Variants in DLEU7 observed in about 807,000 individuals in gnomAD.
DLEU7 encodes deleted in lymphocytic leukemia 7.
In DLEU7, 17 loss-of-function variants were observed where a neutral mutation model predicts 16.0. The observed-to-expected ratio is 1.06, with a 90% CI of 0.73 to 1.59. The LOEUF (loss-of-function observed/expected upper bound fraction) is 1.59. Ranked by LOEUF, DLEU7 falls within the 40% of genes most tolerant of loss-of-function variation. DLEU7 has a pLI of 0.00. For missense variants in DLEU7, 308 were observed against 314.9 expected, an observed-to-expected ratio of 0.98 and a Z score of 0.17; for synonymous variants, 113 against 139.8, an observed-to-expected ratio of 0.81 and a Z score of 1.35.
intron 1 of DLEU7, among the ~76,000 whole-genome samples, chr13:50,745,621 G>A (rs1196465231): frequency 1.3e-5 from 2 of 152,108 alleles, no homozygotes; most frequent in Non-Finnish European, 2.9e-5. Context: ...ATCCTTGTTA[G>A]AGGGATTATC....
At chr13:50,791,981 T>G (rs1875971890) in intron 1 of DLEU7, among the ~76,000 whole-genome samples, 1 of 152,220 alleles carries the variant, frequency 6.6e-6, no homozygotes, top group Non-Finnish European at 1.5e-5. Context: ...TCACAACTTC[T>G]TGTTGGCAAT....
At chr13:50,839,488 T>C (rs560067265) in intron 1 of DLEU7, among the ~76,000 whole-genome samples, 2 of 152,312 alleles carry the variant, frequency 1.3e-5, no homozygotes, top group East Asian at 3.9e-4. Flanking sequence ...CTGTTATCAT[T>C]GTGGTGAGAA....
At chr13:50,767,805 T>G (rs1482940090) in intron 1 of DLEU7, among the ~76,000 whole-genome samples, 1 of 152,184 alleles carries the variant, frequency 6.6e-6, no homozygotes, top group Non-Finnish European at 1.5e-5. Context: ...CCCTTAGCCC[T>G]GGCTTGAATA....
intron 1 of DLEU7, among the ~76,000 whole-genome samples, chr13:50,838,317 T>A (rs1877537816): frequency 1.3e-5 from 2 of 152,272 alleles, no homozygotes; most frequent in Admixed American, 1.3e-4. Flanking sequence ...AACGTTCTTC[T>A]GCCTCTGAAA....
At chr13:50,838,024 G>T (rs570183559) in intron 1 of DLEU7, among the ~76,000 whole-genome samples, 33 of 152,202 alleles carry the variant, frequency 2.2e-4, no homozygotes, top group African/African-American at 7.9e-4. Context: ...AGAGAAAATT[G>T]ATAGAAACAG....
intron 1 of DLEU7, among the ~76,000 whole-genome samples, chr13:50,734,268 G>A (rs775486301): frequency 2.0e-4 from 31 of 152,116 alleles, no homozygotes; most frequent in South Asian, 2.1e-4. Flanking sequence ...AAGAAAAAAC[G>A]TATGTTTTAA....
chr13:50,827,041 T>C (rs1325964080), intron 1 of DLEU7, among the ~76,000 whole-genome samples: 1 of 152,188 alleles, frequency 6.6e-6, no homozygotes, highest in Non-Finnish European at 1.5e-5. Context: ...TGAAAATGGC[T>C]GAGATTCAGG....
At chr13:50,810,010 A>G (rs1199207512) in intron 1 of DLEU7, among the ~76,000 whole-genome samples, 1 of 145,852 alleles carries the variant, frequency 6.9e-6, no homozygotes, top group Admixed American at 7.0e-5. Flanking sequence ...CTTTCTCATG[A>G]TGCTTGGGGT....
downstream of DLEU7, among the ~76,000 whole-genome samples, chr13:50,820,672 C>A (rs924643525): frequency 1.3e-5 from 2 of 152,068 alleles, no homozygotes; most frequent in African/African-American, 2.4e-5. Context: ...TGTGGAAGAG[C>A]CTTCAGAGAG....
chr13:50,838,420 A>G (rs1251163300), intron 1 of DLEU7, among the ~76,000 whole-genome samples: 1 of 152,238 alleles, frequency 6.6e-6, no homozygotes, highest in East Asian at 1.9e-4. Flanking sequence ...AGATAGACAA[A>G]ACTCAATCAG....
chr13:50,808,985 G>A lies in DLEU7; in HGVS notation c.459+34203C>T, dbSNP rs77899407. ...ACATTTAAAATAAGAAGGTACTTAA[G>A]CAAAATCATTGCGTTGAGGACATTT... On this transcript the variant is annotated intron_variant, in intron 1 of 1. Transcript: ENST00000400393. Among the ~76,000 whole-genome samples the A allele has an allele frequency of 4.5e-3, 678 of 152,106 alleles. 5 individuals carry two copies. Among genetic ancestry groups the A allele is most frequent in the African/African-American group, 0.015 (629 of 41,516 alleles).
At chr13:50,753,940 A>G (rs1420652824) in intron 1 of DLEU7, among the ~76,000 whole-genome samples, 1 of 152,232 alleles carries the variant, frequency 6.6e-6, no homozygotes, top group Non-Finnish European at 1.5e-5. Context: ...CCAAGTGCTC[A>G]TTCAGGAGCA....
chr13:50,786,894 C>T (rs1180239393), intron 1 of DLEU7, among the ~76,000 whole-genome samples: 6 of 152,042 alleles, frequency 3.9e-5, no homozygotes, highest in African/African-American at 1.2e-4. Flanking sequence ...CTGAGGTTCT[C>T]GGTTTCCCTG....
Position 50,823,631 on chromosome 13 carries a change from T to G in DLEU7, c.460-111A>C, listed in dbSNP as rs369893150. 638 of 944,584 alleles carry G rather than the reference T, an allele frequency of 6.8e-4. 4 individuals carry two copies. In the African/African-American group the frequency reaches 9.5e-3, roughly 14 times the overall value. The allele number at this position is 944,584 out of a possible 1,614,324, so 58.5% of individuals were successfully genotyped here. ...TTCTCTTCTGGTGACAGCACTCTGG[T>G]TTTTTTTTTTCTTGGAAAACTACAC... On this transcript the variant is annotated intron_variant, in intron 1 of 1. Transcript: ENST00000504404.
At chr13:50,793,668 C>T (rs1566253388) in intron 1 of DLEU7, among the ~76,000 whole-genome samples, 2 of 152,304 alleles carry the variant, frequency 1.3e-5, no homozygotes, top group South Asian at 2.1e-4. Flanking sequence ...AGTGTCTGTT[C>T]ATGTGCTTTG....
At chr13:50,754,204 G>A (rs1478872636) in intron 1 of DLEU7, among the ~76,000 whole-genome samples, 1 of 152,184 alleles carries the variant, frequency 6.6e-6, no homozygotes, top group Admixed American at 6.5e-5. Flanking sequence ...TTCCAAGGTA[G>A]TTTAAATCCA....
intron 1 of DLEU7, among the ~76,000 whole-genome samples, chr13:50,759,766 C>T (rs1874870349): frequency 6.6e-6 from 1 of 152,160 alleles, no homozygotes; most frequent in Admixed American, 6.5e-5. Context: ...TTTAGATTCT[C>T]AGTGTGCTAA....
intron 1 of DLEU7, among the ~76,000 whole-genome samples, chr13:50,761,847 A>G (rs1236203084): frequency 6.6e-6 from 1 of 152,206 alleles, no homozygotes; most frequent in African/African-American, 2.4e-5. Context: ...CTAATAGGCA[A>G]TTTCTTTAAA....
chr13:50,729,209 GT>G (rs778441419), intron 1 of DLEU7, among the ~76,000 whole-genome samples: 22 of 152,068 alleles, frequency 1.4e-4, no homozygotes, highest in Admixed American at 1.3e-4. Flanking sequence ...AGGCTAAAGT[GT>G]TTGTTATTCC....
Sources: allele counts gnomAD v4.1 joint callset (sites outside exome capture counted in the v4.1 genomes callset), GRCh38; gene constraint gnomAD v4.1.1; transcripts MANE v1.5; gene names NCBI Gene and HGNC (gene_info 2026-07-23, HGNC 2026-07-21).